Variants in L3MBTL3 observed in about 807,000 individuals in gnomAD.
The protein encoded by L3MBTL3 is lethal(3)malignant brain tumor-like protein 3.
Under a neutral mutation model 102.3 loss-of-function variants are expected in L3MBTL3, and 27 were observed. The observed-to-expected ratio is 0.26, with a 90% CI of 0.19 to 0.36. The LOEUF (loss-of-function observed/expected upper bound fraction) is 0.36, where lower values mean the gene tolerates loss of function less well. Ranked by LOEUF, L3MBTL3 falls within the 10% of genes least tolerant of loss-of-function variation. The pLI, the probability that L3MBTL3 is intolerant of heterozygous loss-of-function variation, is 1.00. For missense variants in L3MBTL3, 798 were observed against 955.3 expected (o/e 0.84, Z 2.17); for synonymous variants, 340 against 320.9 (o/e 1.06, Z -0.64).
chr6:130,120,496 T>C (rs1468613614), intron 19 of L3MBTL3, among the ~76,000 whole-genome samples: 1 of 152,226 alleles, frequency 6.6e-6, no homozygotes, highest in African/African-American at 2.4e-5. Context: ...TATATAGTGA[T>C]TTAGTTCAAT....
At chr6:130,047,401 C>T (rs886668039) in intron 3 of L3MBTL3, among the ~76,000 whole-genome samples, 5 of 152,118 alleles carry the variant, frequency 3.3e-5, no homozygotes, top group Non-Finnish European at 7.4e-5. Context: ...AGTATTTGAA[C>T]CTGAAGCTTC....
intron 6 of L3MBTL3, among the ~76,000 whole-genome samples, chr6:130,052,168 T>C (rs9385533): frequency 0.54 from 81,185 of 151,444 alleles, 25,252 homozygotes; most frequent in East Asian, 0.76. Context: ...TGCAGTGGCG[T>C]GATCTTGGCT....
chr6:130,059,356 C>T (rs1216746764), intron 9 of L3MBTL3, among the ~76,000 whole-genome samples: 1 of 152,144 alleles, frequency 6.6e-6, no homozygotes, highest in Non-Finnish European at 1.5e-5. Context: ...TTTAACTTGA[C>T]AGTTTGAAGA....
chr6:130,095,054 A>G (rs886783908), intron 18 of L3MBTL3, among the ~76,000 whole-genome samples: 1 of 152,176 alleles, frequency 6.6e-6, no homozygotes, highest in African/African-American at 2.4e-5. Context: ...AAAAAATATT[A>G]CTGAAGTACT....
chr6:130,097,129 C>T (rs901078191), intron 18 of L3MBTL3, among the ~76,000 whole-genome samples: 1 of 152,208 alleles, frequency 6.6e-6, no homozygotes, highest in African/African-American at 2.4e-5. Context: ...GTCCTATTTA[C>T]AGCACTTAAA....
intron 12 of L3MBTL3, among the ~76,000 whole-genome samples, chr6:130,068,627 T>C (rs1394697857): frequency 1.3e-5 from 2 of 152,192 alleles, no homozygotes; most frequent in East Asian, 1.9e-4. Flanking sequence ...GTCTCTTTTA[T>C]TGCATAGTAG....
At chr6:130,103,285 A>G (rs1002464470) in intron 18 of L3MBTL3, among the ~76,000 whole-genome samples, 2 of 152,198 alleles carry the variant, frequency 1.3e-5, no homozygotes, top group Non-Finnish European at 2.9e-5. Flanking sequence ...CTTCTTTTGG[A>G]TAGATACCAG....
chr6:130,124,019 A>C (rs1393880498), intron 20 of L3MBTL3, among the ~76,000 whole-genome samples: 1 of 152,158 alleles, frequency 6.6e-6, no homozygotes, highest in East Asian at 1.9e-4. Context: ...CAACAGTGAG[A>C]GAGCAAAAGA....
At chr6:130,023,627 C>A (rs1365165843) in intron 2 of L3MBTL3, among the ~76,000 whole-genome samples, 3 of 152,096 alleles carry the variant, frequency 2.0e-5, no homozygotes, top group Non-Finnish European at 2.9e-5. Flanking sequence ...ATCTACAGAG[C>A]GGGAACAGCA....
At chr6:130,098,301 T>G (rs1784477717) in intron 18 of L3MBTL3, among the ~76,000 whole-genome samples, 1 of 152,138 alleles carries the variant, frequency 6.6e-6, no homozygotes. Context: ...GAACAAACCT[T>G]TGTTAAGTGC....
At chr6:130,050,020 C>T (rs1780992645) in intron 5 of L3MBTL3, among the ~76,000 whole-genome samples, 190 bp downstream of exon 5, 1 of 152,146 alleles carries the variant, frequency 6.6e-6, no homozygotes, top group African/African-American at 2.4e-5. Flanking sequence ...TTACTTATAC[C>T]TCTTGATTTT....
chr6:130,098,755 G>A (rs1446075324), intron 18 of L3MBTL3, among the ~76,000 whole-genome samples: 4 of 152,066 alleles, frequency 2.6e-5, no homozygotes, highest in Non-Finnish European at 5.9e-5. Flanking sequence ...GTACATTGGC[G>A]GAATCAGAAT....
intron 2 of L3MBTL3, among the ~76,000 whole-genome samples, chr6:130,040,742 G>C (rs776653734): frequency 3.9e-5 from 6 of 152,140 alleles, no homozygotes; most frequent in Admixed American, 6.5e-5. Flanking sequence ...CTTGTTAAGT[G>C]AAAAAGGCAT....
At chr6:130,118,367 T>C (rs1316343009) in intron 19 of L3MBTL3, among the ~76,000 whole-genome samples, 1 of 152,240 alleles carries the variant, frequency 6.6e-6, no homozygotes, top group East Asian at 1.9e-4. Context: ...TACTGTGTTC[T>C]TAAGAAGTGA....
chr6:130,067,382 G>C (rs1782331772), intron 11 of L3MBTL3, among the ~76,000 whole-genome samples: 1 of 152,128 alleles, frequency 6.6e-6, no homozygotes, highest in South Asian at 2.1e-4. Flanking sequence ...CCAAAGTGCT[G>C]GGATTACAGG....
intron 19 of L3MBTL3, among the ~76,000 whole-genome samples, chr6:130,110,413 C>T (rs1785276898): frequency 6.6e-6 from 1 of 152,068 alleles, no homozygotes; most frequent in Non-Finnish European, 1.5e-5. Flanking sequence ...CCTTCACGTC[C>T]CTTCTAAGTT....
intron 14 of L3MBTL3, 77 bp downstream of exon 14, chr6:130,078,711 T>C (rs1270992306): frequency 3.1e-6 from 3 of 976,376 alleles, no homozygotes; most frequent in African/African-American, 3.3e-5. Context: ...AAGGGCCAGA[T>C]AGTAAATATT....
At chr6:130,121,009 A>G (rs1562330775) in intron 20 of L3MBTL3, 51 bp downstream of exon 20, 1 of 1,127,558 alleles carries the variant, frequency 8.9e-7, no homozygotes, top group Non-Finnish European at 1.3e-6. Context: ...CTAATATGAA[A>G]CAATCAAAGC....
chr6:130,100,379 G>A (rs1488366694), intron 18 of L3MBTL3, among the ~76,000 whole-genome samples: 2 of 152,054 alleles, frequency 1.3e-5, no homozygotes, highest in Non-Finnish European at 2.9e-5. Flanking sequence ...TGCATTTTGT[G>A]GCGTTCCATT....
Sources: allele counts gnomAD v4.1 joint callset (sites outside exome capture counted in the v4.1 genomes callset), GRCh38; gene constraint gnomAD v4.1.1; transcripts MANE v1.5; gene names NCBI Gene and HGNC (gene_info 2026-07-23, HGNC 2026-07-21).